Variants in GALNT18 observed in about 807,000 individuals in gnomAD.
The protein encoded by GALNT18 is polypeptide N-acetylgalactosaminyltransferase 18.
A neutral mutation model predicts 69.5 loss-of-function variants in GALNT18; 44 were observed. That is an observed-to-expected ratio of 0.63 (90% CI 0.50 to 0.81). The LOEUF is 0.81. GALNT18 is among the 40% of genes least tolerant of loss of function. GALNT18 has a pLI of 0.00. For synonymous variants in GALNT18, 364 were observed against 318.2 expected (o/e 1.14, Z -1.53); for missense variants, 715 against 810.0 (o/e 0.88, Z 1.42).
intron 3 of GALNT18, among the ~76,000 whole-genome samples, chr11:11,392,934 C>A (rs778991410): frequency 9.2e-5 from 14 of 152,228 alleles, no homozygotes; most frequent in Non-Finnish European, 1.9e-4. Flanking sequence ...TGGGGCAGGT[C>A]AGTCAGACTT....
intron 1 of GALNT18, among the ~76,000 whole-genome samples, chr11:11,455,476 C>A (rs1855904956): frequency 6.6e-6 from 1 of 152,086 alleles, no homozygotes; most frequent in Admixed American, 6.5e-5. Flanking sequence ...AGAATAAGTG[C>A]AATCCTCAAG....
rs1205966966 is a variant in GALNT18 at position 11,448,864 on chromosome 11, T to C, written c.308A>G (p.Gln103Arg). The change falls in exon 2 of 11, where the codon CAG becomes CGG. Residue 103 changes from glutamine (Q) to arginine (R), a missense_variant. Coordinates refer to ENST00000227756, the MANE Select transcript of GALNT18 (RefSeq NM_198516.3). Reference protein sequence around the residue: ...TDSSLFAHWGQELSPEGRRVA... With the variant: ...TDSSLFAHWGRELSPEGRRVA... Reference sequence around the variant, plus strand: ...GCGCCGGCCTTCGGGGCTGAGCTCCTGGCCCCAGTGTGCAAACAGAGAGGA... The same window carrying C: ...GCGCCGGCCTTCGGGGCTGAGCTCCCGGCCCCAGTGTGCAAACAGAGAGGA... 1 of 1,609,136 alleles carries C rather than the reference T, an allele frequency of 6.2e-7. No homozygotes were observed. The highest frequency in any genetic ancestry group is 2.2e-5 in the East Asian group (1 of 44,750).
At chr11:11,297,453 C>T (rs570736301) in intron 9 of GALNT18, among the ~76,000 whole-genome samples, 7 of 152,232 alleles carry the variant, frequency 4.6e-5, no homozygotes, top group African/African-American at 7.2e-5. Flanking sequence ...AGATTTACAG[C>T]GAGGCAGTTT....
chr11:11,369,800 T>A (rs187326625), intron 6 of GALNT18, among the ~76,000 whole-genome samples: 1 of 152,052 alleles, frequency 6.6e-6, no homozygotes, highest in Non-Finnish European at 1.5e-5. Context: ...TGTTGCCGAC[T>A]TACAAATCAG....
chr11:11,578,348 A>AAC (rs1554954037), intron 1 of GALNT18, among the ~76,000 whole-genome samples: 3 of 150,252 alleles, frequency 2.0e-5, no homozygotes, highest in African/African-American at 2.5e-5. Context: ...AAAAAAAAAA[A>AAC]CTCAATAAGC....
chr11:11,574,755 T>G (rs940523003), intron 1 of GALNT18, among the ~76,000 whole-genome samples: 1 of 133,570 alleles, frequency 7.5e-6, no homozygotes, highest in African/African-American at 2.5e-5. Flanking sequence ...ACAAAACAGA[T>G]GGAGCCAATT....
rs926039536 is a variant in GALNT18, at chr11:11,402,533, C to T, written c.596-23269G>A. Among the ~76,000 whole-genome samples, 15 of 152,212 alleles carry T rather than the reference C, an allele frequency of 9.9e-5. No homozygotes were observed. Among genetic ancestry groups the T allele is most frequent in the African/African-American group, 3.6e-4 (15 of 41,448 alleles). The stretch of plus-strand genomic sequence containing the variant: ...TTGTCAAGGTGTCCATAGGCCTCTG[C>T]TCAGGGCATGGAGTTATGTGACACT... On this transcript the variant is annotated intron_variant, in intron 3 of 10. Coordinates refer to ENST00000227756, the MANE Select transcript of GALNT18 (RefSeq NM_198516.3). The surrounding 1 kb of genome is among the most constrained non-coding windows in gnomAD (Gnocchi z 4.0).
rs1443207907 is a variant in GALNT18, at chr11:11,496,986, C to T, written c.236-48050G>A. On this transcript the variant is annotated intron_variant, in intron 1 of 10. Transcript: ENST00000227756. The surrounding 1 kb of genome is among the most constrained non-coding windows in gnomAD (Gnocchi z 4.0). The stretch of plus-strand genomic sequence containing the variant: ...CACCCAAATACTCCACCGTGGTCTC[C>T]AAGGGCCTCATCGGTCCTGCTCATC... 6.6e-6 allele frequency among the ~76,000 whole-genome samples: 1 copy of T among 152,172 alleles called. No individual in the cohort carries two copies. The highest frequency in any genetic ancestry group is 1.5e-5 in the Non-Finnish European group (1 of 68,036).
chr11:11,343,686 G>A (rs997376695), intron 6 of GALNT18, among the ~76,000 whole-genome samples: 1 of 152,222 alleles, frequency 6.6e-6, no homozygotes, highest in African/African-American at 2.4e-5. Flanking sequence ...AACACAAAGA[G>A]TCAGGGTAAT....
At chr11:11,285,219 C>T (rs1411464718) in intron 10 of GALNT18, among the ~76,000 whole-genome samples, 2 of 152,044 alleles carry the variant, frequency 1.3e-5, no homozygotes, top group African/African-American at 4.8e-5. Context: ...GACAAGGGAC[C>T]ATGGTATGGT....
intron 1 of GALNT18, among the ~76,000 whole-genome samples, chr11:11,453,146 A>G (rs1440430997): frequency 6.6e-6 from 1 of 152,122 alleles, no homozygotes; most frequent in African/African-American, 2.4e-5. Flanking sequence ...GCGGTGCTTG[A>G]GTCAGGGAAG....
intron 1 of GALNT18, among the ~76,000 whole-genome samples, chr11:11,495,706 A>T (rs1370970640): frequency 6.6e-6 from 1 of 152,252 alleles, no homozygotes; most frequent in Non-Finnish European, 1.5e-5. Context: ...AGAAAACTTG[A>T]AGACCCACCA....
chr11:11,286,718 T>C (rs1411898720), intron 10 of GALNT18, among the ~76,000 whole-genome samples: 2 of 152,082 alleles, frequency 1.3e-5, no homozygotes, highest in Admixed American at 6.5e-5. Context: ...TACTGAAGTG[T>C]GAGACACAGT....
intron 6 of GALNT18, among the ~76,000 whole-genome samples, chr11:11,348,376 C>T (rs187218650): frequency 1.4e-4 from 18 of 131,038 alleles, no homozygotes; most frequent in African/African-American, 5.5e-4. Context: ...AAGACTTCGT[C>T]TCAGGAAAAA....
At chr11:11,385,951 T>A (rs996258124) in intron 3 of GALNT18, among the ~76,000 whole-genome samples, 2 of 152,002 alleles carry the variant, frequency 1.3e-5, no homozygotes, top group Non-Finnish European at 1.5e-5. Context: ...TAGGAAGTCA[T>A]GTGAAGAGGA....
In GALNT18 at chr11:11,500,175, A is replaced by G. The variant is rs1278841458; in HGVS notation, c.236-51239T>C. The stretch of plus-strand genomic sequence containing the variant: ...AAATAGGATCTCAAAGCAAGTGATA[A>G]GGAAATAGGAGCCTATAGGGAGAAA... On this transcript the variant is annotated intron_variant, in intron 1 of 10. Transcript: ENST00000227756. This position sits in a 1 kb window ranked among gnomAD's most constrained non-coding sequence, Gnocchi z 5.0. 6.6e-6 allele frequency among the ~76,000 whole-genome samples: 1 copy of G among 152,208 alleles called. No individual in the cohort carries two copies. Among genetic ancestry groups the G allele is most frequent in the Non-Finnish European group, 1.5e-5 (1 of 68,022 alleles).
chr11:11,559,776 G>A (rs572561721), intron 1 of GALNT18, among the ~76,000 whole-genome samples: 2 of 151,908 alleles, frequency 1.3e-5, no homozygotes, highest in African/African-American at 4.8e-5. Flanking sequence ...AACAGAATGG[G>A]ATATGATGGG....
chr11:11,281,385 G>A (rs935093719), intron 10 of GALNT18, among the ~76,000 whole-genome samples: 8 of 152,178 alleles, frequency 5.3e-5, no homozygotes, highest in Admixed American at 3.3e-4. Context: ...GCTATAAACC[G>A]TACGGATCGG....
intron 1 of GALNT18, among the ~76,000 whole-genome samples, chr11:11,498,610 G>A (rs1856914708): frequency 6.6e-6 from 1 of 152,190 alleles, no homozygotes; most frequent in South Asian, 2.1e-4. Context: ...ACCAGCCTGG[G>A]CAACACGGTG....
Sources: allele counts gnomAD v4.1 joint callset (sites outside exome capture counted in the v4.1 genomes callset), GRCh38; gene constraint gnomAD v4.1.1; non-coding constraint Gnocchi (gnomAD v3.1); transcripts MANE v1.5; gene names NCBI Gene and HGNC (gene_info 2026-07-23, HGNC 2026-07-21).